The following MTHFD1L variants were observed in gnomAD, a reference collection of about 807,000 sequenced individuals.
MTHFD1L encodes the protein monofunctional C1-tetrahydrofolate synthase, mitochondrial.
Under a neutral mutation model 119.5 loss-of-function variants are expected in MTHFD1L, and 81 were observed. That is an observed-to-expected ratio of 0.68 (90% CI 0.57 to 0.82). MTHFD1L has a LOEUF of 0.82. Ranked by LOEUF, MTHFD1L falls within the 40% of genes least tolerant of loss-of-function variation. MTHFD1L has a pLI of 0.00. For synonymous variants in MTHFD1L, 430 were observed against 475.2 expected (o/e 0.90, Z 1.24); for missense variants, 1,125 against 1,253.4 (o/e 0.90, Z 1.55).
chr6:151,083,922 C>T lies in MTHFD1L; in HGVS notation c.2848-8545C>T, dbSNP rs183583281. The stretch of plus-strand genomic sequence containing the variant: ...AGCAAAATGGGGATAATGTAAATAA[C>T]AATAACCCTGACCTCACAGGGTTCT... On this transcript the variant is annotated intron_variant, in intron 26 of 27. Transcript: ENST00000367321. 1.8e-3 allele frequency among the ~76,000 whole-genome samples: 278 copies of T among 152,220 alleles called. 1 individual carries two copies. Among genetic ancestry groups the T allele is most frequent in the Admixed American group, 4.8e-3 (73 of 15,288 alleles).
intron 11 of MTHFD1L, among the ~76,000 whole-genome samples, chr6:150,929,072 G>C (rs1790555017): frequency 1.3e-5 from 2 of 152,136 alleles, no homozygotes; most frequent in Admixed American, 1.3e-4. Context: ...CTGGCTGAGG[G>C]GAGGGGTTGG....
At chr6:150,951,084 T>G (rs1794810445) in intron 16 of MTHFD1L, among the ~76,000 whole-genome samples, 1 of 150,930 alleles carries the variant, frequency 6.6e-6, no homozygotes. Flanking sequence ...TCACCCAGGT[T>G]GGAGTGCAGT....
chr6:151,052,040 G>A (rs1396845031), intron 26 of MTHFD1L, among the ~76,000 whole-genome samples: 11 of 152,196 alleles, frequency 7.2e-5, no homozygotes, highest in Non-Finnish European at 4.4e-5. Flanking sequence ...GGAAGTCGCC[G>A]GAACTGACAA....
rs143966586 is a variant in MTHFD1L, at chr6:150,913,990, C to T, written c.893-4587C>T. On this transcript the variant is annotated intron_variant, in intron 8 of 27. Transcript: ENST00000367321. ...TAAAAAAATACAAAAACTAACCAGG[C>T]GTGGTGGCACATGCCTGTAGTCCCA... Among the ~76,000 whole-genome samples, 243 of 152,280 alleles carry T rather than the reference C, an allele frequency of 1.6e-3. 1 individual carries two copies. The highest frequency in any genetic ancestry group is 5.5e-3 in the African/African-American group (229 of 41,560).
rs56795003 is a variant in MTHFD1L, at chr6:151,081,498, CAA to C, written c.2848-10945_2848-10944del. 4.7e-3 allele frequency among the ~76,000 whole-genome samples: 461 copies of C among 98,104 alleles called. 1 individual carries two copies. Among genetic ancestry groups the C allele is most frequent in the African/African-American group, 0.019 (410 of 21,622 alleles). 64.4% of individuals were successfully genotyped at this position (98,104 alleles called of 152,430 possible). On this transcript the variant is annotated intron_variant, in intron 26 of 27. Transcript: ENST00000367321. ...TGAAACGCTGCCTCTACTAAAAATG[CAA>C]AAAAAAAAAAAAAAAAAAAAAAATA...
chr6:151,062,732 T>G (rs1291624184), intron 26 of MTHFD1L, among the ~76,000 whole-genome samples: 1 of 152,192 alleles, frequency 6.6e-6, no homozygotes, highest in Non-Finnish European at 1.5e-5. Flanking sequence ...AAGTGAAACC[T>G]GCAAACTGTA....
chr6:150,975,014 A>T (rs1417933275), intron 20 of MTHFD1L, among the ~76,000 whole-genome samples: 1 of 152,140 alleles, frequency 6.6e-6, no homozygotes, highest in East Asian at 1.9e-4. Flanking sequence ...CTGGGATTAC[A>T]GGTGTGAGCC....
In MTHFD1L at chr6:151,039,230, A is replaced by G. The variant is rs1786670068; in HGVS notation, c.2847+2113A>G. 1.3e-5 allele frequency among the ~76,000 whole-genome samples: 2 copies of G among 152,174 alleles called. No individual in the cohort carries two copies. Among genetic ancestry groups the G allele is most frequent in the South Asian group, 2.1e-4 (1 of 4,822 alleles). Reference sequence around the variant, plus strand: ...GAAAAATCCCACAGACACCGCTCGTAGCAGTGTTGGCACAGGGAGAAGGGC... The same window carrying G: ...GAAAAATCCCACAGACACCGCTCGTGGCAGTGTTGGCACAGGGAGAAGGGC... On this transcript the variant is annotated intron_variant, in intron 26 of 27. Transcript: ENST00000367321. This position sits in a 1 kb window ranked among gnomAD's most constrained non-coding sequence, Gnocchi z 4.4.
In MTHFD1L at chr6:151,030,981, G is replaced by T. The variant is rs1438905234; in HGVS notation, c.2587-3512G>T. On this transcript the variant is annotated intron_variant, in intron 24 of 27. Transcript: ENST00000367321. ...AAATCACTTGAGGCCGGGAGTTTGA[G>T]ACCAGCCTGGGCAACATGGTGAGAC... is the stretch of plus-strand genomic sequence containing the variant. Among the ~76,000 whole-genome samples, 3 of 152,204 alleles carry T rather than the reference G, an allele frequency of 2.0e-5. No individual in the cohort carries two copies. In the East Asian group the frequency reaches 5.8e-4, roughly 29 times the overall value.
intron 17 of MTHFD1L, among the ~76,000 whole-genome samples, chr6:150,958,064 T>A (rs1795902606): frequency 6.6e-6 from 1 of 152,176 alleles, no homozygotes; most frequent in South Asian, 2.1e-4. Flanking sequence ...TTAGCACAGT[T>A]CATTTGTAAA....
chr6:150,878,442 G>A (rs1385042668), intron 4 of MTHFD1L, among the ~76,000 whole-genome samples: 1 of 152,068 alleles, frequency 6.6e-6, no homozygotes, highest in Non-Finnish European at 1.5e-5. Context: ...AGTAGAGATG[G>A]GGTTTCACCA....
chr6:150,962,497 A>G (rs1167659816), intron 18 of MTHFD1L, among the ~76,000 whole-genome samples: 1 of 152,226 alleles, frequency 6.6e-6, no homozygotes, highest in Non-Finnish European at 1.5e-5. Flanking sequence ...TTGGCCACCC[A>G]TAGAAAATTG....
At chr6:150,999,225 T>C (rs1780266176) in intron 20 of MTHFD1L, among the ~76,000 whole-genome samples, 1 of 152,218 alleles carries the variant, frequency 6.6e-6, no homozygotes, top group African/African-American at 2.4e-5. Flanking sequence ...TTTTGCATAA[T>C]TCTGTACTTC....
chr6:151,022,913 A>G (rs1222942900), intron 24 of MTHFD1L, among the ~76,000 whole-genome samples: 3 of 152,120 alleles, frequency 2.0e-5, no homozygotes, highest in East Asian at 1.9e-4. Context: ...AGATTGTTCA[A>G]TGTGAGTGGC....
intron 26 of MTHFD1L, among the ~76,000 whole-genome samples, chr6:151,048,742 T>A (rs1788502264): frequency 6.6e-6 from 1 of 152,178 alleles, no homozygotes; most frequent in Admixed American, 6.5e-5. Context: ...CCAAACACAT[T>A]CTATTCATGT....
chr6:150,956,194 G>C, intron 17 of MTHFD1L, 123 bp downstream of exon 17: 1 of 925,894 alleles, frequency 1.1e-6, no homozygotes, highest in East Asian at 2.5e-5. Context: ...TTCTCTCACT[G>C]TTTTGGGTGC....
At chr6:151,099,854 C>T in intron 27 of MTHFD1L, 1 of 1,592,854 alleles carries the variant, frequency 6.3e-7, no homozygotes, top group Non-Finnish European at 8.5e-7. Flanking sequence ...AACCGCAAAG[C>T]CATCGTGGAA....
chr6:150,867,911 C>A (rs1290299591), intron 1 of MTHFD1L, among the ~76,000 whole-genome samples: 2 of 151,198 alleles, frequency 1.3e-5, no homozygotes. Context: ...GATTCCCCTG[C>A]CTCAGCCTCC....
At chr6:150,979,260 G>C (rs1777084822) in intron 20 of MTHFD1L, among the ~76,000 whole-genome samples, 1 of 152,050 alleles carries the variant, frequency 6.6e-6, no homozygotes, top group South Asian at 2.1e-4. Context: ...AAGAATTTTG[G>C]GTGAGCTGTC....
Sources: gnomAD v4.1 joint callset for allele counts (sites outside exome capture counted in the v4.1 genomes callset) on GRCh38, gnomAD v4.1.1 for gene constraint, Gnocchi (gnomAD v3.1) non-coding constraint, MANE v1.5 for transcripts, NCBI Gene and HGNC (gene_info 2026-07-23, HGNC 2026-07-21) for gene names.